Variants in SLIT2 observed in about 807,000 individuals in gnomAD.
SLIT2 encodes the protein slit guidance ligand 2.
In SLIT2, 41 loss-of-function variants were observed where a neutral mutation model predicts 185.7. That is an observed-to-expected ratio of 0.22 (90% CI 0.17 to 0.29). The LOEUF (loss-of-function observed/expected upper bound fraction) is 0.29, where lower values mean the gene tolerates loss of function less well. Among genes scored for constraint, SLIT2 ranks in the 10% least tolerant of loss-of-function variants. The pLI is 1.00. For missense variants in SLIT2, 1,571 were observed against 1,909.0 expected (o/e 0.82, Z 3.30); for synonymous variants, 693 against 680.2 (o/e 1.02, Z -0.29).
intron 4 of SLIT2, among the ~76,000 whole-genome samples, chr4:20,375,343 C>T (rs1268289426): frequency 2.0e-5 from 3 of 151,942 alleles, no homozygotes; most frequent in African/African-American, 4.8e-5. Context: ...GCTGATGAAT[C>T]GGTAAAACAT....
intron 22 of SLIT2, among the ~76,000 whole-genome samples, chr4:20,546,638 T>A (rs1577901550): frequency 6.6e-6 from 1 of 152,212 alleles, no homozygotes; most frequent in East Asian, 1.9e-4. Flanking sequence ...ATACTAACAT[T>A]TTGAGTATAA....
intron 21 of SLIT2, among the ~76,000 whole-genome samples, chr4:20,544,965 A>G (rs1259942205): frequency 6.6e-6 from 1 of 152,148 alleles, no homozygotes; most frequent in Non-Finnish European, 1.5e-5. Context: ...AAATTTAGGT[A>G]GACATGATGA....
chr4:20,457,436 A>G (rs1713198154), intron 4 of SLIT2, among the ~76,000 whole-genome samples: 1 of 152,018 alleles, frequency 6.6e-6, no homozygotes, highest in Non-Finnish European at 1.5e-5. Context: ...CATCATGTGA[A>G]TATTCCAAGC....
chr4:20,438,521 G>T lies in SLIT2; in HGVS notation c.396-29231G>T, dbSNP rs572266931. ...CCCATGATTCAATCATCTCCCACTG[G>T]TTCCCTCCCATAACACATGGGAATT... On this transcript the variant is annotated intron_variant, in intron 4 of 36. Transcript: ENST00000504154. Among the ~76,000 whole-genome samples, 242 of 152,150 alleles carry T rather than the reference G, an allele frequency of 1.6e-3. 1 individual carries two copies. Among genetic ancestry groups the T allele is most frequent in the Non-Finnish European group, 1.1e-3 (73 of 68,012 alleles).
chr4:20,611,816 A>G (rs552209089), intron 34 of SLIT2, among the ~76,000 whole-genome samples: 38 of 152,334 alleles, frequency 2.5e-4, no homozygotes, highest in Non-Finnish European at 4.4e-4. Context: ...CTGAAGAGCA[A>G]TCTCAAGGAT....
At chr4:20,547,122 C>T (rs1231909403) in intron 22 of SLIT2, among the ~76,000 whole-genome samples, 2 of 152,062 alleles carry the variant, frequency 1.3e-5, no homozygotes, top group African/African-American at 4.8e-5. Context: ...GTAAATCAAA[C>T]ACTTTATAGA....
intron 4 of SLIT2, among the ~76,000 whole-genome samples, chr4:20,450,276 A>G (rs1712321873): frequency 6.6e-6 from 1 of 152,226 alleles, no homozygotes; most frequent in African/African-American, 2.4e-5. Flanking sequence ...AATGAGTATT[A>G]AATCCTATTC....
At chr4:20,388,970 GTCAAAATA>G (rs1393884769) in intron 4 of SLIT2, among the ~76,000 whole-genome samples, 23 of 140,214 alleles carry the variant, frequency 1.6e-4, no homozygotes, top group Non-Finnish European at 3.1e-4. Context: ...AAAAATATAT[GTCAAAATA>G]TATATATGTA....
intron 28 of SLIT2, 87 bp from the exon 29 acceptor site, chr4:20,568,778 G>A (rs1725313342): frequency 8.2e-7 from 1 of 1,213,038 alleles, no homozygotes; most frequent in Non-Finnish European, 1.2e-6. Flanking sequence ...GTTGATGAGT[G>A]TAATTATGCT....
intron 4 of SLIT2, among the ~76,000 whole-genome samples, chr4:20,349,815 G>A (rs545094757): frequency 1.6e-4 from 24 of 152,252 alleles, no homozygotes; most frequent in African/African-American, 5.5e-4. Flanking sequence ...CAGCACAAAG[G>A]TTGGATTCCT....
chr4:20,299,560 A>G (rs1267301691), intron 4 of SLIT2, among the ~76,000 whole-genome samples: 1 of 151,770 alleles, frequency 6.6e-6, no homozygotes, highest in Non-Finnish European at 1.5e-5. Context: ...TTCTTTTTCT[A>G]TAGAGAAAAA....
At chr4:20,350,015 A>G (rs1417778814) in intron 4 of SLIT2, among the ~76,000 whole-genome samples, 1 of 152,202 alleles carries the variant, frequency 6.6e-6, no homozygotes, top group African/African-American at 2.4e-5. Flanking sequence ...CTACATGTGC[A>G]TTCACATTTA....
chr4:20,543,005 C>T (rs916191463), intron 21 of SLIT2, among the ~76,000 whole-genome samples: 10 of 152,086 alleles, frequency 6.6e-5, no homozygotes, highest in African/African-American at 2.2e-4. Flanking sequence ...ACTAATGGCC[C>T]ATGGAATGCA....
chr4:20,461,414 A>G (rs530126834), intron 4 of SLIT2, among the ~76,000 whole-genome samples: 39 of 152,272 alleles, frequency 2.6e-4, no homozygotes, highest in Non-Finnish European at 5.4e-4. Flanking sequence ...GATAAGGTCA[A>G]AAAGGGTGTG....
chr4:20,533,741 T>C (rs1160870794), intron 18 of SLIT2, 26 bp downstream of exon 18: 1 of 1,596,038 alleles, frequency 6.3e-7, no homozygotes, highest in Non-Finnish European at 8.5e-7. Flanking sequence ...TGCATTGCAG[T>C]TCTTCTACCA....
chr4:20,389,602 A>G (rs999365790), intron 4 of SLIT2, among the ~76,000 whole-genome samples: 1 of 151,166 alleles, frequency 6.6e-6, no homozygotes, highest in Non-Finnish European at 1.5e-5. Flanking sequence ...TTTTCCTTTT[A>G]TAGTTTCCAA....
intron 4 of SLIT2, among the ~76,000 whole-genome samples, chr4:20,325,170 C>A (rs1298878551): frequency 6.6e-6 from 1 of 151,744 alleles, no homozygotes. Flanking sequence ...TCTTATCTTT[C>A]GCCATATACA....
intron 9 of SLIT2, among the ~76,000 whole-genome samples, chr4:20,496,830 G>A (rs1230600860): frequency 6.6e-6 from 1 of 152,084 alleles, no homozygotes; most frequent in Non-Finnish European, 1.5e-5. Flanking sequence ...GAACAGATTT[G>A]TCTCTGAAAA....
At chr4:20,354,431 A>G (rs972877119) in intron 4 of SLIT2, among the ~76,000 whole-genome samples, 9 of 152,182 alleles carry the variant, frequency 5.9e-5, no homozygotes, top group African/African-American at 1.7e-4. Flanking sequence ...ACAATTTGAC[A>G]GTCCTAATCT....
Sources: allele counts gnomAD v4.1 joint callset (sites outside exome capture counted in the v4.1 genomes callset), GRCh38; gene constraint gnomAD v4.1.1; transcripts MANE v1.5; gene names NCBI Gene and HGNC (gene_info 2026-07-23, HGNC 2026-07-21).